EYS: variants seen among roughly 807,000 people sequenced by gnomAD.
EYS encodes EGF-like photoreceptor maintenance factor.
EYS carries 250 observed loss-of-function variants against 282.1 expected under a neutral mutation model. The ratio of observed to expected loss-of-function variants is 0.89; its 90% CI spans 0.80 to 0.98. EYS has a LOEUF of 0.98. EYS is among the 50% of genes least tolerant of loss of function. The pLI is 0.00. For synonymous variants in EYS, 1,355 were observed against 1,282.9 expected (o/e 1.06, Z -1.20); for missense variants, 4,016 against 3,709.0 (o/e 1.08, Z -2.15).
intron 13 of EYS, among the ~76,000 whole-genome samples, chr6:65,000,687 A>T (rs1444879815): frequency 3.3e-5 from 5 of 152,206 alleles, no homozygotes; most frequent in Admixed American, 3.3e-4. Context: ...CTGAGGCAGG[A>T]CAATTGCTTG....
At chr6:64,708,145 C>T (rs924583936) in intron 22 of EYS, among the ~76,000 whole-genome samples, 4 of 152,112 alleles carry the variant, frequency 2.6e-5, no homozygotes, top group African/African-American at 9.7e-5. Flanking sequence ...AACACGTATG[C>T]AGGCCTGAAA....
At chr6:64,910,813 T>C (rs1350895467) in intron 16 of EYS, among the ~76,000 whole-genome samples, 1 of 152,068 alleles carries the variant, frequency 6.6e-6, no homozygotes, top group East Asian at 1.9e-4. Flanking sequence ...CACTATATTT[T>C]ATAAATTTAT....
At chr6:63,908,043 T>TATAC (rs1318760852) in intron 35 of EYS, among the ~76,000 whole-genome samples, 4 of 41,542 alleles carry the variant, frequency 9.6e-5, no homozygotes, top group African/African-American at 6.8e-4. Context: ...CGTTTGTGTG[T>TATAC]GTGTGTGTGT....
intron 22 of EYS, among the ~76,000 whole-genome samples, chr6:64,656,792 C>A (rs1442666388): frequency 6.6e-6 from 1 of 152,110 alleles, no homozygotes; most frequent in Non-Finnish European, 1.5e-5. Context: ...TTCTGCTTTG[C>A]ATGAAAGTAG....
At chr6:64,540,768 G>A (rs1188153566) in intron 26 of EYS, among the ~76,000 whole-genome samples, 1 of 152,178 alleles carries the variant, frequency 6.6e-6, no homozygotes, top group Non-Finnish European at 1.5e-5. Context: ...ACAGGCATGA[G>A]CCATCATGCC....
At chr6:63,981,879 A>C (rs556836109) in intron 35 of EYS, among the ~76,000 whole-genome samples, 1 of 151,986 alleles carries the variant, frequency 6.6e-6, no homozygotes, top group African/African-American at 2.4e-5. Context: ...TTGATTTACA[A>C]TTACCTTGGC....
intron 5 of EYS, among the ~76,000 whole-genome samples, chr6:65,418,051 G>A (rs528321299): frequency 1.3e-5 from 2 of 152,058 alleles, no homozygotes; most frequent in East Asian, 3.9e-4. Context: ...TATGAGAATG[G>A]TGTGGTAGAA....
chr6:65,039,072 C>T (rs913171820), intron 13 of EYS, among the ~76,000 whole-genome samples: 3 of 151,286 alleles, frequency 2.0e-5, no homozygotes, highest in Non-Finnish European at 4.4e-5. Flanking sequence ...GCTTATTTTA[C>T]ATGTTCTAAT....
In EYS at chr6:64,896,110, G is replaced by GA. The variant is rs771633147; in HGVS notation, c.2846+6002dup. Reference sequence around the variant, plus strand: ...AAGGATTCTTACAAAGCCATAAGAAGAAAAAACATTAAAGAGCAGATGCTG... The same window carrying GA: ...AAGGATTCTTACAAAGCCATAAGAAGAAAAAAACATTAAAGAGCAGATGCTG... On this transcript the variant is annotated intron_variant, in intron 18 of 42. Transcript: ENST00000503581. Among the ~76,000 whole-genome samples, 26 of 152,232 alleles carry GA rather than the reference G, an allele frequency of 1.7e-4. No individual in the cohort carries two copies. The East Asian group carries it at 3.5e-3, about 20-fold the overall frequency.
intron 30 of EYS, among the ~76,000 whole-genome samples, chr6:64,282,614 C>A (rs1160356080): frequency 1.3e-5 from 2 of 152,078 alleles, no homozygotes; most frequent in Non-Finnish European, 2.9e-5. Flanking sequence ...TTCTTGTGTC[C>A]TCTTGGAATT....
At chr6:64,813,679 C>A (rs1048615145) in intron 21 of EYS, 102 bp from the exon 22 acceptor site, 4 of 702,718 alleles carry the variant, frequency 5.7e-6, no homozygotes, top group Middle Eastern at 4.5e-4. Context: ...AACTGATGTG[C>A]AAACTTGTTT....
At chr6:64,585,916 C>T (rs1305138648) in intron 26 of EYS, among the ~76,000 whole-genome samples, 1 of 152,046 alleles carries the variant, frequency 6.6e-6, no homozygotes, top group Non-Finnish European at 1.5e-5. Context: ...TTTCTGAGTG[C>T]TCAAATTAAT....
intron 1 of EYS, among the ~76,000 whole-genome samples, chr6:65,684,992 C>T (rs566434567): frequency 1.3e-5 from 2 of 151,952 alleles, no homozygotes; most frequent in African/African-American, 4.8e-5. Context: ...AACAGGCAGC[C>T]TAAAGATGTA....
intron 5 of EYS, among the ~76,000 whole-genome samples, chr6:65,485,781 G>A (rs981944061): frequency 6.6e-6 from 1 of 150,664 alleles, no homozygotes; most frequent in Non-Finnish European, 1.5e-5. Flanking sequence ...TCCAACCTGG[G>A]TGAAACAGTG....
rs148005084 is a variant in EYS, at chr6:65,093,692, G to T, written c.2024-35965C>A. Among the ~76,000 whole-genome samples the T allele has an allele frequency of 2.6e-5, 4 of 151,780 alleles. No individual in the cohort carries two copies. In the East Asian group the frequency reaches 7.7e-4, roughly 29 times the overall value. On this transcript the variant is annotated intron_variant, in intron 12 of 42. Coordinates refer to ENST00000503581, the MANE Select transcript of EYS (RefSeq NM_001142800.2). ...AAAAACAAATATAATTCCACAAGAA[G>T]ATGGCAAGGGAAGGAAATAGGGACA...
intron 29 of EYS, among the ~76,000 whole-genome samples, chr6:64,385,246 ATACAT>A (rs1772870990): frequency 6.6e-6 from 1 of 152,156 alleles, no homozygotes; most frequent in South Asian, 2.1e-4. Flanking sequence ...TATCATCTAG[ATACAT>A]TTTACAGTTT....
At chr6:65,353,763 T>G (rs1368230732) in intron 8 of EYS, 146 bp from the exon 9 acceptor site, 1 of 639,950 alleles carries the variant, frequency 1.6e-6, no homozygotes, top group East Asian at 2.8e-5. Context: ...TCTTTATTTC[T>G]TCTATTTCTT....
chr6:63,817,435 A>G (rs1399429521), intron 36 of EYS, among the ~76,000 whole-genome samples: 2 of 152,196 alleles, frequency 1.3e-5, no homozygotes, highest in African/African-American at 4.8e-5. Context: ...TCATCAGGAC[A>G]TGGGACCACG....
intron 29 of EYS, among the ~76,000 whole-genome samples, chr6:64,324,999 T>C (rs763589395): frequency 2.0e-5 from 3 of 152,198 alleles, no homozygotes; most frequent in Non-Finnish European, 4.4e-5. Context: ...TCCATGCTCA[T>C]GGGTTGGAGG....
Sources: gnomAD v4.1 joint callset for allele counts (sites outside exome capture counted in the v4.1 genomes callset) on GRCh38, gnomAD v4.1.1 for gene constraint, MANE v1.5 for transcripts, NCBI Gene and HGNC (gene_info 2026-07-23, HGNC 2026-07-21) for gene names.